The following SASH1 variants were observed in gnomAD, a reference collection of about 807,000 sequenced individuals.
SASH1 encodes the protein SAM and SH3 domain containing 1, also known as SAM and SH3 domain-containing protein 1.
In SASH1, 44 loss-of-function variants were observed where a neutral mutation model predicts 125.2. The observed-to-expected ratio is 0.35, with a 90% CI of 0.28 to 0.45. The LOEUF (loss-of-function observed/expected upper bound fraction) is 0.45. Among genes scored for constraint, SASH1 ranks in the 20% least tolerant of loss-of-function variants. SASH1 has a pLI of 1.00. For missense variants in SASH1, 1,426 were observed against 1,614.5 expected, an observed-to-expected ratio of 0.88 and a Z score of 2.00; for synonymous variants, 639 against 649.1, an observed-to-expected ratio of 0.98 and a Z score of 0.24.
chr6:148,270,941 C>T (rs940495696), upstream of SASH1, among the ~76,000 whole-genome samples: 11 of 146,930 alleles, frequency 7.5e-5, no homozygotes, highest in South Asian at 2.4e-3. Context: ...CAGAGTCTCG[C>T]TCTTGTCGCC....
chr6:148,486,635 G>T (rs1057271241), intron 7 of SASH1, among the ~76,000 whole-genome samples: 1 of 151,372 alleles, frequency 6.6e-6, no homozygotes, highest in Non-Finnish European at 1.5e-5. Flanking sequence ...CTGTTTCAGG[G>T]TCGGGTATGG....
chr6:148,388,179 T>C (rs1269256786), intron 1 of SASH1, among the ~76,000 whole-genome samples: 1 of 152,056 alleles, frequency 6.6e-6, no homozygotes, highest in Non-Finnish European at 1.5e-5. Context: ...CCTCCCAAAG[T>C]GCTGGGATTA....
At chr6:148,433,606 A>G (rs1776156684) in intron 2 of SASH1, among the ~76,000 whole-genome samples, 1 of 151,780 alleles carries the variant, frequency 6.6e-6, no homozygotes, top group African/African-American at 2.4e-5. Flanking sequence ...GGGTTTCAGT[A>G]TGTTGGCCAG....
intron 4 of SASH1, among the ~76,000 whole-genome samples, chr6:148,445,050 T>C (rs1776712663): frequency 6.6e-6 from 1 of 151,806 alleles, no homozygotes; most frequent in South Asian, 2.1e-4. Context: ...CTGCTAGGAG[T>C]GTCTTTTGGT....
At position 148,531,631 on chromosome 6, in the gene SASH1, C is replaced by T. The variant is rs1460340570; in HGVS notation, c.1534C>T (p.Arg512Cys). The T allele has an allele frequency of 3.2e-6, 5 of 1,560,366 alleles. No homozygotes were observed. The highest frequency in any genetic ancestry group is 1.9e-5 in the Admixed American group (1 of 51,854). Residue 512 changes from arginine to cysteine, a missense_variant, in exon 13 of 20, where the codon CGC becomes TGC. Physicochemically the swap from Arg to Cys is radical, Grantham distance 180 (BLOSUM62 -3). Transcript: ENST00000367467. ...LKAGGSVESL[R>C]SSLSGQSSMS... The stretch of plus-strand genomic sequence containing the variant: ...GGCCGGGGGTTCTGTAGAAAGTCTT[C>T]GCAGTTCTCTCAGTGGGCAGAGCTC...
Position 148,544,083 on chromosome 6 carries a change from G to A in SASH1, c.2613G>A (p.Lys871=). ...PPQIVPEVPQ[K]TTASSTKAQP... is the part of the protein sequence containing the mutation. ...AGATTGTACCTGAAGTGCCACAGAA[G>A]ACGACCGCCTCTTCCACGAAGGCCC... is the stretch of plus-strand genomic sequence containing the variant. The change falls in exon 18 of 20, where the codon AAG becomes AAA. Residue 871 remains lysine, a synonymous_variant. Transcript: ENST00000367467. The surrounding 1 kb of genome is among the most constrained non-coding windows in gnomAD (Gnocchi z 6.4). 6.2e-7 allele frequency: 1 copy of A among 1,614,092 alleles called. No individual in the cohort carries two copies. The highest frequency in any genetic ancestry group is 1.3e-5 in the African/African-American group (1 of 75,022).
chr6:148,433,038 A>G (rs1381136791), intron 2 of SASH1, among the ~76,000 whole-genome samples: 6 of 152,234 alleles, frequency 3.9e-5, no homozygotes, highest in African/African-American at 1.4e-4. Context: ...TTGGCAAACT[A>G]CTGATTTCAT....
chr6:148,454,224 C>A (rs970082459), intron 4 of SASH1, among the ~76,000 whole-genome samples: 1 of 152,150 alleles, frequency 6.6e-6, no homozygotes, highest in East Asian at 1.9e-4. Context: ...GAGGAGGAGA[C>A]CCAGCAGGAA....
the SASH1 span, among the ~76,000 whole-genome samples, chr6:148,194,690 G>A: frequency 6.6e-6 from 1 of 152,198 alleles, no homozygotes; most frequent in Non-Finnish European, 1.5e-5. Context: ...GGAGGATCAC[G>A]AGGTCAGGAG....
At chr6:148,473,760 T>A (rs1203358865) in intron 6 of SASH1, among the ~76,000 whole-genome samples, 2 of 152,202 alleles carry the variant, frequency 1.3e-5, no homozygotes, top group Non-Finnish European at 2.9e-5. Context: ...TATGATCCAG[T>A]TGGGTGTGTA....
At chr6:148,295,100 G>T (rs1044497210) in intron 1 of SASH1, among the ~76,000 whole-genome samples, 1 of 151,558 alleles carries the variant, frequency 6.6e-6, no homozygotes, top group Non-Finnish European at 1.5e-5. Flanking sequence ...ATACACACCC[G>T]TACACACACC....
At chr6:148,218,278 G>A in the SASH1 span, among the ~76,000 whole-genome samples, 16 of 151,662 alleles carry the variant, frequency 1.1e-4, no homozygotes, top group African/African-American at 3.1e-4. Flanking sequence ...AAGAGGAAGA[G>A]GAAAAAAGAA....
At chr6:148,399,484 C>G (rs992657331) in intron 2 of SASH1, among the ~76,000 whole-genome samples, 5 of 152,096 alleles carry the variant, frequency 3.3e-5, no homozygotes, top group East Asian at 1.9e-4. Context: ...CGTCAGCCCC[C>G]CAAAATGCTA....
chr6:148,298,065 G>T (rs1411501930), intron 1 of SASH1, among the ~76,000 whole-genome samples: 2 of 148,718 alleles, frequency 1.3e-5, no homozygotes, highest in Non-Finnish European at 3.0e-5. Flanking sequence ...GGACTCCAGT[G>T]GCACGGTCTT....
intron 4 of SASH1, among the ~76,000 whole-genome samples, chr6:148,466,331 T>G (rs7743102): frequency 0.26 from 40,255 of 152,144 alleles, 5,937 homozygotes; most frequent in African/African-American, 0.4. Flanking sequence ...TCAACAGTTC[T>G]CTGCACTCAG....
chr6:148,438,323 A>G (rs1562409520), intron 2 of SASH1, among the ~76,000 whole-genome samples: 1 of 152,202 alleles, frequency 6.6e-6, no homozygotes. Flanking sequence ...GTCCTGGAAA[A>G]TTGTGATTGG....
At position 148,544,858 on chromosome 6, in the gene SASH1, G is replaced by C. The variant is rs1378389686; in HGVS notation, c.3348+40G>C. 1 of 1,503,454 alleles carries C rather than the reference G, an allele frequency of 6.7e-7. No individual in the cohort carries two copies. The highest frequency in any genetic ancestry group is 1.4e-5 in the African/African-American group (1 of 71,768). 93.1% of individuals were successfully genotyped at this position (1,503,454 alleles called of 1,614,324 possible). A position where few individuals can be genotyped will look rare whatever the true frequency, so the allele number is the denominator to read the frequency against. On this transcript the variant is annotated intron_variant, in intron 18 of 19. Transcript: ENST00000367467. This position sits in a 1 kb window ranked among gnomAD's most constrained non-coding sequence, Gnocchi z 6.4. ...GGGCCCACCACGTTCACAGGCCTTT[G>C]TTTGTAGAAGTCAGGCAGCCAGGTG... is the stretch of plus-strand genomic sequence containing the variant.
chr6:148,487,745 T>A (rs1377583532), intron 8 of SASH1, 30 bp downstream of exon 8: 1 of 1,464,138 alleles, frequency 6.8e-7, no homozygotes, highest in Non-Finnish European at 9.6e-7. Context: ...GACATCTTGA[T>A]CACCTACGCC....
At chr6:148,383,073 C>T (rs899508262) in intron 1 of SASH1, among the ~76,000 whole-genome samples, 17 of 152,266 alleles carry the variant, frequency 1.1e-4, no homozygotes, top group Non-Finnish European at 1.6e-4. Flanking sequence ...AGAACGACGA[C>T]GACGTGGCAG....
Sources: gnomAD v4.1 joint callset for allele counts (sites outside exome capture counted in the v4.1 genomes callset) on GRCh38, gnomAD v4.1.1 for gene constraint, Gnocchi (gnomAD v3.1) non-coding constraint, MANE v1.5 for transcripts, NCBI Gene and HGNC (gene_info 2026-07-23, HGNC 2026-07-21) for gene names.